KSR2: variants seen among roughly 807,000 people sequenced by gnomAD.
KSR2 encodes kinase suppressor of ras 2.
Under a neutral mutation model 107.8 loss-of-function variants are expected in KSR2, and 25 were observed. The ratio of observed to expected loss-of-function variants is 0.23; its 90% CI spans 0.17 to 0.32. The LOEUF (loss-of-function observed/expected upper bound fraction) is 0.32, where lower values mean the gene tolerates loss of function less well. KSR2 is among the 10% of genes least tolerant of loss of function. The pLI is 1.00. For synonymous variants in KSR2, 480 were observed against 507.0 expected (o/e 0.95, Z 0.71); for missense variants, 887 against 1,268.9 (o/e 0.70, Z 4.57).
intron 1 of KSR2, among the ~76,000 whole-genome samples, chr12:117,882,186 G>A (rs2137324310): frequency 6.6e-6 from 1 of 152,286 alleles, no homozygotes; most frequent in East Asian, 1.9e-4. Context: ...CACACTGCAG[G>A]GGGCAATAGG....
At chr12:117,642,403 A>G (rs999720981) in intron 5 of KSR2, among the ~76,000 whole-genome samples, 2 of 152,162 alleles carry the variant, frequency 1.3e-5, no homozygotes, top group Non-Finnish European at 2.9e-5. Context: ...GAAAAGCCAT[A>G]GTTTCTATAT....
At chr12:117,724,641 A>G (rs368451037) in intron 4 of KSR2, among the ~76,000 whole-genome samples, 1 of 151,792 alleles carries the variant, frequency 6.6e-6, no homozygotes, top group East Asian at 1.9e-4. Flanking sequence ...CACATCAAAC[A>G]GGCAGGGGGT....
intron 14 of KSR2, among the ~76,000 whole-genome samples, chr12:117,519,515 C>T (rs928246713): frequency 6.6e-6 from 1 of 151,728 alleles, no homozygotes; most frequent in Non-Finnish European, 1.5e-5. Flanking sequence ...ATACGAAGCA[C>T]AGATTTACAT....
chr12:117,962,186 A>G (rs1036256056), intron 1 of KSR2, among the ~76,000 whole-genome samples: 1 of 150,116 alleles, frequency 6.7e-6, no homozygotes, highest in Non-Finnish European at 1.5e-5. Context: ...TACCCTTGCT[A>G]TACAAGGAGA....
chr12:117,844,803 C>T (rs1329838214), intron 3 of KSR2, among the ~76,000 whole-genome samples: 1 of 152,136 alleles, frequency 6.6e-6, no homozygotes, highest in Non-Finnish European at 1.5e-5. Flanking sequence ...CAGATTTGAG[C>T]TTGACTCCTG....
chr12:117,806,261 T>C (rs556803764), intron 3 of KSR2, among the ~76,000 whole-genome samples: 1 of 152,282 alleles, frequency 6.6e-6, no homozygotes, highest in South Asian at 2.1e-4. Flanking sequence ...TCCAATCCCC[T>C]GCAAGTTAGA....
chr12:117,873,789 G>A (rs150604542), intron 1 of KSR2, among the ~76,000 whole-genome samples: 46 of 152,100 alleles, frequency 3.0e-4, no homozygotes, highest in African/African-American at 1.1e-3. Flanking sequence ...AGACAACAAG[G>A]GATACAAAAA....
At chr12:117,640,654 A>G (rs1454738638) in intron 5 of KSR2, among the ~76,000 whole-genome samples, 1 of 152,212 alleles carries the variant, frequency 6.6e-6, no homozygotes, top group Non-Finnish European at 1.5e-5. Flanking sequence ...GGGCAGCAGC[A>G]GCAGCAACAG....
chr12:117,625,969 G>C (rs1327111334), intron 5 of KSR2, among the ~76,000 whole-genome samples: 1 of 152,168 alleles, frequency 6.6e-6, no homozygotes, highest in African/African-American at 2.4e-5. Context: ...ATTTCTTCTA[G>C]ATTTCCTAGT....
chr12:117,690,361 C>G (rs964711729), intron 4 of KSR2, among the ~76,000 whole-genome samples: 4 of 152,066 alleles, frequency 2.6e-5, no homozygotes, highest in African/African-American at 9.7e-5. Flanking sequence ...GTCAAGAGTT[C>G]GAGACCAGCC....
At chr12:117,667,116 G>C (rs570248847) in intron 5 of KSR2, among the ~76,000 whole-genome samples, 4 of 152,336 alleles carry the variant, frequency 2.6e-5, no homozygotes, top group Admixed American at 2.6e-4. Context: ...AGGCAGCTGA[G>C]AGACAGCCGG....
intron 3 of KSR2, among the ~76,000 whole-genome samples, chr12:117,781,998 G>A (rs1566011831): frequency 6.6e-6 from 1 of 152,236 alleles, no homozygotes; most frequent in Non-Finnish European, 1.5e-5. Context: ...AGATGTTCAT[G>A]CTTAACATCG....
chr12:117,760,505 T>C (rs1378059024), intron 4 of KSR2, among the ~76,000 whole-genome samples: 2 of 152,260 alleles, frequency 1.3e-5, no homozygotes, highest in African/African-American at 2.4e-5. Flanking sequence ...ATCATTAATA[T>C]CACTTGTTCC....
rs536595811 is a variant in KSR2, at chr12:117,861,949, G to A, written c.181-1518C>T. ...AAGGCAATACCTGTGTGTCTGAGCA[G>A]AGAAAACAATTTGGAAGAATAAACT... On this transcript the variant is annotated intron_variant, in intron 1 of 19. Coordinates refer to ENST00000339824, the MANE Select transcript of KSR2 (RefSeq NM_173598.6). 9.1e-4 allele frequency among the ~76,000 whole-genome samples: 138 copies of A among 152,232 alleles called. 1 individual carries two copies. The highest frequency in any genetic ancestry group is 3.4e-3 in the Middle Eastern group (1 of 294).
intron 4 of KSR2, among the ~76,000 whole-genome samples, chr12:117,757,073 T>G (rs904996175): frequency 7.0e-6 from 1 of 141,950 alleles, no homozygotes; most frequent in Non-Finnish European, 1.5e-5. Context: ...AAAAAAAGAA[T>G]CTTCTGGAAA....
chr12:117,679,502 C>T (rs1885283001), intron 4 of KSR2, among the ~76,000 whole-genome samples: 1 of 152,212 alleles, frequency 6.6e-6, no homozygotes, highest in African/African-American at 2.4e-5. Context: ...CTTCCATTGT[C>T]AGCAACCCTG....
chr12:117,890,013 G>T (rs1183998940), intron 1 of KSR2, among the ~76,000 whole-genome samples: 1 of 152,178 alleles, frequency 6.6e-6, no homozygotes, highest in Non-Finnish European at 1.5e-5. Flanking sequence ...AACACAGATT[G>T]CTAGAATCCC....
intron 14 of KSR2, among the ~76,000 whole-genome samples, chr12:117,523,664 C>CA (rs1467339031): frequency 6.6e-6 from 1 of 152,158 alleles, no homozygotes; most frequent in African/African-American, 2.4e-5. Context: ...ATGTGCTCTG[C>CA]AACTTTCATG....
chr12:117,558,218 G>A (rs1330375276), intron 8 of KSR2, among the ~76,000 whole-genome samples: 1 of 152,232 alleles, frequency 6.6e-6, no homozygotes, highest in African/African-American at 2.4e-5. Context: ...GAAGAGGCTA[G>A]AAATTAGGAG....
Sources: gnomAD v4.1 joint callset for allele counts (sites outside exome capture counted in the v4.1 genomes callset) on GRCh38, gnomAD v4.1.1 for gene constraint, MANE v1.5 for transcripts, NCBI Gene and HGNC (gene_info 2026-07-23, HGNC 2026-07-21) for gene names.